Variants in DNAH12 observed in about 807,000 individuals in gnomAD.
DNAH12 encodes axonemal beta dynein heavy chain 12.
In DNAH12, 285 loss-of-function variants were observed where a neutral mutation model predicts 371.5. That is an observed-to-expected ratio of 0.77 (90% confidence interval 0.70 to 0.85). The LOEUF (loss-of-function observed/expected upper bound fraction) is 0.85. Ranked by LOEUF, DNAH12 falls within the 40% of genes least tolerant of loss-of-function variation. The probability of loss-of-function intolerance (pLI) is 0.00; values close to 1 mark genes in which losing one functional copy is unlikely to be tolerated. For synonymous variants in DNAH12, 1,200 were observed against 1,213.0 expected, an observed-to-expected ratio of 0.99 and a Z score of 0.22; for missense variants, 3,611 against 3,689.4, an observed-to-expected ratio of 0.98 and a Z score of 0.55.
chr3:57,517,526 AC>A (rs2068241148), intron 4 of DNAH12, among the ~76,000 whole-genome samples: 1 of 152,134 alleles, frequency 6.6e-6, no homozygotes, highest in South Asian at 2.1e-4. Flanking sequence ...TTATTATATG[AC>A]TATATAGTGA....
At chr3:57,443,373 G>A (rs897074752) in intron 29 of DNAH12, among the ~76,000 whole-genome samples, 6 of 152,104 alleles carry the variant, frequency 3.9e-5, no homozygotes, top group Non-Finnish European at 7.3e-5. Context: ...GCCTCCCAAA[G>A]TGCTGGGATT....
intron 58 of DNAH12, among the ~76,000 whole-genome samples, chr3:57,361,397 G>A (rs905927332): frequency 5.2e-4 from 69 of 132,292 alleles, no homozygotes; most frequent in Admixed American, 1.4e-3. Context: ...ATATACATAC[G>A]CACTATATAT....
At chr3:57,451,940 A>G (rs2065770756) in intron 25 of DNAH12, among the ~76,000 whole-genome samples, 1 of 152,220 alleles carries the variant, frequency 6.6e-6, no homozygotes, top group Non-Finnish European at 1.5e-5. Flanking sequence ...GTCAATGTAT[A>G]AAAGTCAAAA....
At chr3:57,314,325 T>C (rs1198199853) in intron 66 of DNAH12, among the ~76,000 whole-genome samples, 169 bp downstream of exon 66, 1 of 152,184 alleles carries the variant, frequency 6.6e-6, no homozygotes, top group East Asian at 1.9e-4. Context: ...TTCCCATTAC[T>C]TGCAGCACAA....
chr3:57,415,823 T>C (rs1353212018), intron 37 of DNAH12, among the ~76,000 whole-genome samples: 5 of 149,086 alleles, frequency 3.4e-5, no homozygotes, highest in Non-Finnish European at 7.4e-5. Context: ...GAGTCTCACT[T>C]AGTTCCCCAG....
At chr3:57,429,879 A>G (rs1202909643) in intron 32 of DNAH12, 105 bp from the exon 33 acceptor site, 1 of 956,756 alleles carries the variant, frequency 1.0e-6, no homozygotes, top group Non-Finnish European at 1.5e-6. Context: ...ATATAATGGA[A>G]TAAGAATTAG....
chr3:57,348,465 A>T (rs929956773), intron 60 of DNAH12, among the ~76,000 whole-genome samples: 3 of 152,210 alleles, frequency 2.0e-5, no homozygotes, highest in Non-Finnish European at 4.4e-5. Flanking sequence ...TATAATACCC[A>T]GAGTGAAGCC....
At chr3:57,304,063 A>G (rs935768688) in intron 69 of DNAH12, among the ~76,000 whole-genome samples, 7 of 59,464 alleles carry the variant, frequency 1.2e-4, no homozygotes, top group African/African-American at 4.8e-4. Flanking sequence ...GTGACCCCCC[A>G]CTCCTGCCCG....
intron 12 of DNAH12, among the ~76,000 whole-genome samples, 186 bp from the exon 13 acceptor site, chr3:57,483,697 G>A (rs1476749953): frequency 2.6e-5 from 4 of 151,762 alleles, no homozygotes. Context: ...TGTAATCATA[G>A]CACTTTGAAA....
intron 60 of DNAH12, among the ~76,000 whole-genome samples, chr3:57,338,404 T>TC (rs2062288256): frequency 1.9e-5 from 2 of 107,872 alleles, no homozygotes; most frequent in African/African-American, 7.1e-5. Flanking sequence ...GCCGCCACAC[T>TC]GTCTAGGAAG....
intron 2 of DNAH12, among the ~76,000 whole-genome samples, chr3:57,529,300 T>G (rs1305721886): frequency 6.6e-6 from 1 of 152,204 alleles, no homozygotes; most frequent in African/African-American, 2.4e-5. Context: ...TCAGACTAGT[T>G]TAAGTAGCAT....
At position 57,462,793 on chromosome 3, in the gene DNAH12, T is replaced by C. The variant is rs1429594469; in HGVS notation, c.2432A>G (p.Tyr811Cys). The change falls in exon 18 of 74, where the codon TAT becomes TGT. Residue 811 changes from tyrosine (Y) to cysteine (C), a missense_variant. Around this residue, in one of 3 missense-constraint regions of DNAH12, gnomAD observed 1,314 missense variants for 1,398.7 expected, o/e 0.94. Transcript: ENST00000495027. The part of the protein sequence containing the change: ...HWKQISEIVG[Y>C]DLTPDSGTTL... ...AGTTCCAGAGTCTGGAGTCAAGTCATAGCCTACAATTTCTGATATCTGTTT... is the reference window on the plus strand; with the variant it reads ...AGTTCCAGAGTCTGGAGTCAAGTCACAGCCTACAATTTCTGATATCTGTTT... 2 of 1,551,414 alleles carry C rather than the reference T, an allele frequency of 1.3e-6. No homozygotes were observed. The highest frequency in any genetic ancestry group is 2.0e-5 in the Admixed American group (1 of 50,968).
At chr3:57,550,468 C>G in the DNAH12 span, among the ~76,000 whole-genome samples, 1 of 151,994 alleles carries the variant, frequency 6.6e-6, no homozygotes, top group African/African-American at 2.4e-5. Flanking sequence ...TTTTCTCCAA[C>G]TTTTTATATC....
chr3:57,544,564 GA>G (rs979844362), upstream of DNAH12, among the ~76,000 whole-genome samples: 4 of 152,162 alleles, frequency 2.6e-5, no homozygotes, highest in African/African-American at 9.7e-5. Flanking sequence ...CAGGAAATTA[GA>G]ATCTTCAAAC....
rs1421443142 is a variant in DNAH12, at chr3:57,316,132, CCTT to C, written c.10525-1504_10525-1502del. Among the ~76,000 whole-genome samples, 39 of 149,310 alleles carry C rather than the reference CCTT, an allele frequency of 2.6e-4. No homozygotes were observed. In the East Asian group the frequency reaches 3.0e-3, roughly 11 times the overall value. ...ACTTTCTTAAAAAATAACCCCTTCC[CCTT>C]TTTTTTTTTTGCTTGTTTTTGACTA... On this transcript the variant is annotated intron_variant, in intron 65 of 73. Transcript: ENST00000495027.
chr3:57,539,011 C>A (rs2069165494), intron 2 of DNAH12, among the ~76,000 whole-genome samples: 1 of 152,180 alleles, frequency 6.6e-6, no homozygotes, highest in African/African-American at 2.4e-5. Flanking sequence ...AACCCAACAG[C>A]CAATCCTACT....
intron 69 of DNAH12, among the ~76,000 whole-genome samples, chr3:57,303,853 G>T (rs961628005): frequency 3.3e-5 from 5 of 152,160 alleles, no homozygotes; most frequent in African/African-American, 1.2e-4. Flanking sequence ...TGACCTGCAC[G>T]TATACATCCA....
rs1421175200 is a variant in DNAH12, at chr3:57,462,741, G to T, written c.2484C>A (p.Asn828Lys). ...CAAATTGTTCCAAGTATGGGGTAAG[G>T]TTTAATTTTAAAACTTTTCTCAGTG... is the stretch of plus-strand genomic sequence containing the variant. ...GTTLRKVLKLNLTPYLEQFEV... is the reference protein window; with the variant it reads ...GTTLRKVLKLKLTPYLEQFEV... The change falls in exon 18 of 74, where the codon AAC (asparagine) becomes AAA (lysine). Residue 828 changes from asparagine (N) to lysine (K), a missense_variant. Physicochemically the swap from Asn to Lys is moderately conservative, Grantham distance 94 (BLOSUM62 0). Transcript: ENST00000495027. 10 of 1,551,376 alleles carry T rather than the reference G, an allele frequency of 6.4e-6. No individual in the cohort carries two copies. The highest frequency in any genetic ancestry group is 2.0e-5 in the Admixed American group (1 of 50,964).
rs917387078 is a variant in DNAH12 at position 57,470,463 on chromosome 3, C to A, written c.2085G>T (p.Lys695Asn). ...PYQKFFNFVL[K>N]WQRSEKRWMD... ...ATTACCGTTTTTCTGATCGCTGCCA[C>A]TTCAAAACAAAATTAAAAAACTTCT... Residue 695 changes from lysine (K) to asparagine (N), a missense_variant, in exon 16 of 74, where the codon AAG becomes AAT. Physicochemically the swap from Lys to Asn is moderately conservative, Grantham distance 94. Transcript: ENST00000495027. The A allele has an allele frequency of 1.3e-6, 2 of 1,528,326 alleles. No homozygotes were observed. The highest frequency in any genetic ancestry group is 1.8e-6 in the Non-Finnish European group (2 of 1,138,520). The allele number at this position is 1,528,326 out of a possible 1,614,324, so 94.7% of individuals were successfully genotyped here. A position where few individuals can be genotyped will look rare whatever the true frequency, so the allele number is the denominator to read the frequency against.
Sources: allele counts gnomAD v4.1 joint callset (sites outside exome capture counted in the v4.1 genomes callset), GRCh38; gene constraint gnomAD v4.1.1; regional missense constraint gnomAD v4.1.1; transcripts MANE v1.5; gene names NCBI Gene and HGNC (gene_info 2026-07-23, HGNC 2026-07-21).